Variants in NIPBL observed in about 807,000 individuals in gnomAD.
The protein encoded by NIPBL is nipped-B-like protein.
Under a neutral mutation model 321.8 loss-of-function variants are expected in NIPBL, and 19 were observed. That is an observed-to-expected ratio of 0.06 (90% CI 0.04 to 0.09). NIPBL has a LOEUF of 0.09. NIPBL is among the 10% of genes least tolerant of loss of function. NIPBL has a pLI of 1.00. For synonymous variants in NIPBL, 1,106 were observed against 1,114.1 expected (o/e 0.99, Z 0.14); for missense variants, 2,210 against 3,327.0 (o/e 0.66, Z 8.26).
At chr5:36,984,650 T>C in intron 9 of NIPBL, 26 bp from the exon 10 acceptor site, 1 of 1,572,864 alleles carries the variant, frequency 6.4e-7, no homozygotes, top group African/African-American at 1.4e-5. Flanking sequence ...CTATTACTGA[T>C]ATTGATATTT....
At chr5:36,961,396 T>C in intron 4 of NIPBL, 88 bp from the exon 5 acceptor site, 1 of 830,966 alleles carries the variant, frequency 1.2e-6, no homozygotes. Context: ...ATCTCTGGAA[T>C]GTTTGAAAGA....
At chr5:37,016,994 A>G in intron 23 of NIPBL, 25 bp from the exon 24 acceptor site, 1 of 1,467,790 alleles carries the variant, frequency 6.8e-7, no homozygotes, top group Non-Finnish European at 9.4e-7. Flanking sequence ...AAATCTATTC[A>G]ATCAAAAACT....
At chr5:37,015,912 T>G in intron 22 of NIPBL, 126 bp from the exon 23 acceptor site, 2 of 806,982 alleles carry the variant, frequency 2.5e-6, no homozygotes, top group Admixed American at 2.2e-5. Context: ...TAATGTACAT[T>G]TATATATTTT....
chr5:37,020,867 A>G lies in NIPBL; in HGVS notation c.5318A>G (p.Tyr1773Cys). Residue 1773 changes from tyrosine to cysteine, a missense_variant, in exon 27 of 47, where the codon TAT becomes TGT. Tyr to Cys is a radical substitution (Grantham distance 194, BLOSUM62 -2). This residue lies in a region of NIPBL where 138 missense variants were observed against 175.8 expected (regional missense o/e 0.79). Coordinates refer to ENST00000282516, the MANE Select transcript of NIPBL (RefSeq NM_133433.4). ...MRPFAQSFDI[Y>C]LTQILRVLGE... Reference sequence around the variant, plus strand: ...CCGTTTGCCCAGAGCTTTGATATTTATTTGACACAGGTAAACTGGATAAGA... The same window carrying G: ...CCGTTTGCCCAGAGCTTTGATATTTGTTTGACACAGGTAAACTGGATAAGA... The G allele has an allele frequency of 6.2e-7, 1 of 1,609,262 alleles. No individual in the cohort carries two copies. The highest frequency in any genetic ancestry group is 8.5e-7 in the Non-Finnish European group (1 of 1,175,580).
chr5:37,022,429 T>C, intron 29 of NIPBL, 39 bp downstream of exon 29: 1 of 1,565,388 alleles, frequency 6.4e-7, no homozygotes, highest in Non-Finnish European at 8.7e-7. Flanking sequence ...TGAATATAAT[T>C]TTGCCTTTCA....
intron 1 of NIPBL, among the ~76,000 whole-genome samples, chr5:36,898,511 CTT>C (rs550485997): frequency 1.6e-4 from 22 of 135,326 alleles, no homozygotes; most frequent in Admixed American, 3.7e-4. Context: ...TTTCTGATTC[CTT>C]TTTTTTTTTT....
chr5:36,991,201 A>T (rs1423646109), intron 10 of NIPBL, among the ~76,000 whole-genome samples: 1 of 152,132 alleles, frequency 6.6e-6, no homozygotes, highest in Non-Finnish European at 1.5e-5. Flanking sequence ...TATAGTACAA[A>T]GAGAACTAAT....
intron 21 of NIPBL, among the ~76,000 whole-genome samples, chr5:37,012,056 C>T (rs1296917803): frequency 6.6e-6 from 1 of 151,084 alleles, no homozygotes; most frequent in Non-Finnish European, 1.5e-5. Flanking sequence ...TATTAGTGAG[C>T]TTGAGCCCCT....
rs1755333205 is a variant in NIPBL at position 37,066,269 on chromosome 5, A to G, written c.*1377A>G. Reference sequence around the variant, plus strand: ...AATTCTTTTTAAAAATGTTTTACTTATTTTTAAATCACTTTGAAAAAATTG... The same window carrying G: ...AATTCTTTTTAAAAATGTTTTACTTGTTTTTAAATCACTTTGAAAAAATTG... On this transcript the variant is annotated 3_prime_UTR_variant, in exon 47 of 47. Transcript: ENST00000282516. 1 of 152,132 alleles carries G rather than the reference A, an allele frequency of 6.6e-6. No individual in the cohort carries two copies. Among genetic ancestry groups the G allele is most frequent in the African/African-American group, 2.4e-5 (1 of 41,458 alleles). The allele number at this position is 152,132 out of a possible 1,614,324, so 9.4% of individuals were successfully genotyped here. A position where few individuals can be genotyped will look rare whatever the true frequency, so the allele number is the denominator to read the frequency against.
In NIPBL at chr5:37,022,257, G is replaced by A. The variant is rs1233390832; in HGVS notation, c.5441G>A (p.Arg1814Gln). 1 of 1,613,916 alleles carries A rather than the reference G, an allele frequency of 6.2e-7. No homozygotes were observed. The highest frequency in any genetic ancestry group is 1.7e-5 in the Admixed American group (1 of 60,006). ...ATTTTTCTTTAGCTTGATATGCAAC[G>A]AGGTGTTCATGGACGATTGATGGAT... Reference protein sequence around the residue: ...PSILARLDMQRGVHGRLMDNS... With the variant: ...PSILARLDMQQGVHGRLMDNS... Residue 1814 changes from arginine to glutamine, a missense_variant, in exon 29 of 47, where the codon CGA becomes CAA. Around this residue, in one of 14 missense-constraint regions of NIPBL, gnomAD observed 49 missense variants for 163.6 expected, o/e 0.30. Coordinates refer to ENST00000282516, the MANE Select transcript of NIPBL (RefSeq NM_133433.4).
rs765215110 is a variant in NIPBL at position 37,058,959 on chromosome 5, TGAA to T, written c.7487_7489del (p.Glu2496del). Reference sequence around the variant, plus strand: ...GTAAGGAAAATGAGTCAAGCGACAGTGAAGAAGAAGTTTCCAGGCCTCGGAAGT... The same window carrying T: ...GTAAGGAAAATGAGTCAAGCGACAGTGAAGAAGTTTCCAGGCCTCGGAAGT... On this transcript the variant is annotated inframe_deletion, in exon 44 of 47. Transcript: ENST00000282516. 3.1e-5 allele frequency: 50 copies of T among 1,614,014 alleles called. 1 individual carries two copies. Among genetic ancestry groups the T allele is most frequent in the East Asian group, 6.7e-5 (3 of 44,892 alleles).
chr5:36,919,084 A>C (rs1315164336), intron 1 of NIPBL, among the ~76,000 whole-genome samples: 3 of 152,102 alleles, frequency 2.0e-5, no homozygotes, highest in Admixed American at 2.0e-4. Flanking sequence ...TGATTGGAAT[A>C]GTTTCAGAAG....
chr5:37,044,571 A>G, intron 35 of NIPBL, 65 bp from the exon 36 acceptor site: 1 of 1,575,432 alleles, frequency 6.3e-7, no homozygotes, highest in South Asian at 1.2e-5. Flanking sequence ...AAATATTTGT[A>G]AAAAGCTAAG....
rs745955378 is a variant in NIPBL at position 37,045,398 on chromosome 5, A to G, written c.6344-45A>G. The G allele has an allele frequency of 2.1e-6, 3 of 1,416,482 alleles. No individual in the cohort carries two copies. In the South Asian group the frequency reaches 3.8e-5, roughly 18 times the overall value. The allele number at this position is 1,416,482 out of a possible 1,614,324, so 87.7% of individuals were successfully genotyped here. On this transcript the variant is annotated intron_variant, in intron 36 of 46. Coordinates refer to ENST00000282516, the MANE Select transcript of NIPBL (RefSeq NM_133433.4). ...TAGTAGTAATTACTTGAACTTAGTA[A>G]TTCAAAGATAAATATTATAAGTAAA...
In NIPBL at chr5:37,060,796, C is replaced by T. The variant is rs370892733; in HGVS notation, c.7686-48C>T. ...ACCTATAATTGGATTTCTCCAAATA[C>T]GTTGTTTCCATAGTTTTAAAGTTTT... On this transcript the variant is annotated intron_variant, in intron 44 of 46. Transcript: ENST00000282516. 12 of 1,511,408 alleles carry T rather than the reference C, an allele frequency of 7.9e-6. No homozygotes were observed. The African/African-American group carries it at 9.7e-5, about 12-fold the overall frequency. 93.6% of individuals were successfully genotyped at this position (1,511,408 alleles called of 1,614,324 possible).
chr5:36,879,057 GT>G (rs899816488), intron 1 of NIPBL, among the ~76,000 whole-genome samples: 1 of 152,016 alleles, frequency 6.6e-6, no homozygotes, highest in African/African-American at 2.4e-5. Context: ...CAGAGGGTTT[GT>G]TTTTTTGGGG....
intron 34 of NIPBL, among the ~76,000 whole-genome samples, chr5:37,043,102 AAAG>A (rs1465335755): frequency 6.6e-6 from 1 of 152,136 alleles, no homozygotes; most frequent in Non-Finnish European, 1.5e-5. Context: ...AATTTAAAAT[AAAG>A]AAGTCCTAGG....
At position 36,942,576 on chromosome 5, in the gene NIPBL, C is replaced by T. The variant is rs545233876; in HGVS notation, c.-79-11042C>T. ...CCAAGATGGTGAAACCCCATCTCTA[C>T]TAAAAATAAAAAAATTAGCTGGGGG... On this transcript the variant is annotated intron_variant, in intron 1 of 46. Transcript: ENST00000282516. Among the ~76,000 whole-genome samples the T allele has an allele frequency of 2.6e-5, 4 of 151,088 alleles. No individual in the cohort carries two copies. The South Asian group carries it at 8.4e-4, about 32-fold the overall frequency.
chr5:36,938,504 T>C (rs945872283), intron 1 of NIPBL, among the ~76,000 whole-genome samples: 2 of 152,178 alleles, frequency 1.3e-5, no homozygotes, highest in East Asian at 3.9e-4. Flanking sequence ...TTTGAAATTA[T>C]ATCAAAAGTA....
Sources: gnomAD v4.1 joint callset for allele counts (sites outside exome capture counted in the v4.1 genomes callset) on GRCh38, gnomAD v4.1.1 for gene constraint, gnomAD v4.1.1 regional missense constraint, MANE v1.5 for transcripts, NCBI Gene and HGNC (gene_info 2026-07-23, HGNC 2026-07-21) for gene names.